The following LARGE1 variants were observed in gnomAD, a reference collection of about 807,000 sequenced individuals.
LARGE1 encodes LARGE xylosyl- and glucuronyltransferase 1.
LARGE1 carries 43 observed loss-of-function variants against 87.6 expected under a neutral mutation model. That is an observed-to-expected ratio of 0.49 (90% CI 0.38 to 0.63). The LOEUF is 0.63. Among genes scored for constraint, LARGE1 ranks in the 30% least tolerant of loss-of-function variants. The pLI, the probability that LARGE1 is intolerant of heterozygous loss-of-function variation, is 0.00. For synonymous variants in LARGE1, 434 were observed against 394.6 expected (o/e 1.10, Z -1.18); for missense variants, 802 against 1,000.2 (o/e 0.80, Z 2.67).
At chr22:33,566,637 C>T (rs1005064100) in intron 5 of LARGE1, among the ~76,000 whole-genome samples, 1 of 152,162 alleles carries the variant, frequency 6.6e-6, no homozygotes. Context: ...GAAGGGAAGC[C>T]GAGAGGGATG....
rs538152499 is a variant in LARGE1, at chr22:33,754,590, C to T, written c.106+6781G>A. Among the ~76,000 whole-genome samples the T allele has an allele frequency of 1.1e-4, 17 of 152,320 alleles. No homozygotes were observed. In the South Asian group the frequency reaches 3.5e-3, roughly 32 times the overall value. Reference sequence around the variant, plus strand: ...TGACCTTGTGATCTGCCCGCCTCAGCCTCCCAAAGTGCTGGGATTACAGGC... The same window carrying T: ...TGACCTTGTGATCTGCCCGCCTCAGTCTCCCAAAGTGCTGGGATTACAGGC... On this transcript the variant is annotated intron_variant, in intron 2 of 14. Transcript: ENST00000397394.
Position 33,761,456 on chromosome 22 carries a change from C to G in LARGE1, c.21G>C (p.Gly7=), listed in dbSNP as rs2084726573. The G allele has an allele frequency of 6.2e-7, 1 of 1,613,832 alleles. No individual in the cohort carries two copies. Residue 7 remains glycine, a synonymous_variant, in exon 2 of 15, where the codon GGG becomes GGC. Transcript: ENST00000397394. ...ACGAGGCAGCCAAGAATTTCCGTCT[C>G]CCCCTGCAGATTCCCAGCATCCTCT... MLGICR[G]RRKFLAASLS...
At chr22:33,511,645 AATGC>A (rs2071060495) in intron 6 of LARGE1, among the ~76,000 whole-genome samples, 1 of 152,192 alleles carries the variant, frequency 6.6e-6, no homozygotes, top group African/African-American at 2.4e-5. Context: ...TGGTAGAAGG[AATGC>A]ATTCAGCTCT....
chr22:33,719,355 A>C (rs2083010298), intron 2 of LARGE1, among the ~76,000 whole-genome samples: 1 of 152,152 alleles, frequency 6.6e-6, no homozygotes, highest in Admixed American at 6.5e-5. Context: ...CAGTGTTTAG[A>C]AAGTCTACGG....
At chr22:33,634,136 A>T (rs184998322) in intron 3 of LARGE1, among the ~76,000 whole-genome samples, 1 of 152,216 alleles carries the variant, frequency 6.6e-6, no homozygotes, top group East Asian at 1.9e-4. Context: ...AGCACAAGAC[A>T]CTGTTCAGAG....
intron 2 of LARGE1, among the ~76,000 whole-genome samples, chr22:33,707,312 C>G (rs2082591677): frequency 1.3e-5 from 2 of 152,222 alleles, no homozygotes; most frequent in South Asian, 2.1e-4. Context: ...TAGTAAAATA[C>G]AGGGAGTATC....
Position 33,488,276 on chromosome 22 carries a change from A to G in LARGE1, c.788-56011T>C, listed in dbSNP as rs2069675310. Among the ~76,000 whole-genome samples, 4 of 152,250 alleles carry G rather than the reference A, an allele frequency of 2.6e-5. No homozygotes were observed. The South Asian group carries it at 8.3e-4, about 32-fold the overall frequency. On this transcript the variant is annotated intron_variant, in intron 6 of 14. Coordinates refer to ENST00000397394, the MANE Select transcript of LARGE1 (RefSeq NM_133642.5). ...CTCCTGTGCTCAGTGACCACATGGT[A>G]GTGGTTACCATACCAAAGAGTGCAG...
intron 1 of LARGE1, among the ~76,000 whole-genome samples, chr22:33,892,034 G>A (rs1407816012): frequency 6.6e-6 from 1 of 152,042 alleles, no homozygotes; most frequent in Non-Finnish European, 1.5e-5. Flanking sequence ...TCTCTACCAC[G>A]TACGAGAGTT....
At chr22:33,389,847 A>AAACC (rs143324200) in intron 7 of LARGE1, among the ~76,000 whole-genome samples, 7,866 of 140,068 alleles carry the variant, frequency 0.056, 199 homozygotes, top group Middle Eastern at 0.099. Context: ...TCAGTCTCAA[A>AAACC]AACCAACCAA....
chr22:33,490,647 G>C (rs1191597707), intron 6 of LARGE1, among the ~76,000 whole-genome samples: 1 of 152,158 alleles, frequency 6.6e-6, no homozygotes, highest in East Asian at 1.9e-4. Context: ...CATAGTACCT[G>C]GGAATCCCAT....
At chr22:33,674,270 C>G (rs1189061351) in intron 2 of LARGE1, among the ~76,000 whole-genome samples, 1 of 152,266 alleles carries the variant, frequency 6.6e-6, no homozygotes, top group Admixed American at 6.5e-5. Flanking sequence ...CTCCCCCAAG[C>G]CCCTGGTGGA....
At chr22:33,450,462 A>G (rs2067864949) in intron 6 of LARGE1, among the ~76,000 whole-genome samples, 1 of 140,750 alleles carries the variant, frequency 7.1e-6, no homozygotes, top group South Asian at 2.2e-4. Flanking sequence ...AAAAAAAAAA[A>G]ATTAGCCAGG....
intron 2 of LARGE1, among the ~76,000 whole-genome samples, chr22:33,752,381 A>G (rs1402455415): frequency 1.3e-5 from 2 of 152,162 alleles, no homozygotes; most frequent in Non-Finnish European, 2.9e-5. Context: ...CTTTTGTTAA[A>G]TTGGTATCCA....
chr22:33,823,180 T>A (rs5754701), intron 1 of LARGE1, among the ~76,000 whole-genome samples: 49,191 of 152,102 alleles, frequency 0.32, 9,417 homozygotes, highest in African/African-American at 0.52. Flanking sequence ...CTCAACAGTC[T>A]AGAGGTCTTC....
chr22:33,354,074 G>T (rs73403308), intron 9 of LARGE1, among the ~76,000 whole-genome samples: 1 of 152,360 alleles, frequency 6.6e-6, no homozygotes, highest in African/African-American at 2.4e-5. Context: ...CACACGTGAA[G>T]AAAGGATGGT....
At chr22:33,242,127 T>C (rs1926552724) in intron 11 of LARGE1, among the ~76,000 whole-genome samples, 1 of 152,146 alleles carries the variant, frequency 6.6e-6, no homozygotes, top group East Asian at 1.9e-4. Context: ...ATATTTAAAA[T>C]ATTATTTTTT....
chr22:33,393,878 A>C (rs929857142), intron 7 of LARGE1, among the ~76,000 whole-genome samples: 3 of 152,216 alleles, frequency 2.0e-5, no homozygotes, highest in African/African-American at 7.2e-5. Flanking sequence ...TGAATAAATA[A>C]ATTAAAAATC....
the LARGE1 span, among the ~76,000 whole-genome samples, chr22:33,081,403 G>GA: frequency 1.3e-5 from 2 of 152,188 alleles, no homozygotes; most frequent in Non-Finnish European, 2.9e-5. Flanking sequence ...TTTTGCATGT[G>GA]AAGACGTAGG....
rs774887201 is a variant in LARGE1, at chr22:33,565,037, G to C, written c.616-18C>G. 1 of 1,612,222 alleles carries C rather than the reference G, an allele frequency of 6.2e-7. No homozygotes were observed. The highest frequency in any genetic ancestry group is 8.5e-7 in the Non-Finnish European group (1 of 1,178,286). On this transcript the variant is annotated intron_variant, in intron 5 of 14. Transcript: ENST00000397394. The stretch of plus-strand genomic sequence containing the variant: ...ACTTCAGACTAGACAGAACAAGGCA[G>C]AGAGAGAGTTGGAGAAAGGGAAAAA...
Sources: allele counts gnomAD v4.1 joint callset (sites outside exome capture counted in the v4.1 genomes callset), GRCh38; gene constraint gnomAD v4.1.1; transcripts MANE v1.5; gene names NCBI Gene and HGNC (gene_info 2026-07-23, HGNC 2026-07-21).